PLXNA1: variants seen among roughly 807,000 people sequenced by gnomAD.
PLXNA1 encodes plexin A1.
Under a neutral mutation model 191.7 loss-of-function variants are expected in PLXNA1, and 77 were observed. That is an observed-to-expected ratio of 0.40 (90% CI 0.33 to 0.49). The LOEUF (loss-of-function observed/expected upper bound fraction) is 0.49, where lower values mean the gene tolerates loss of function less well. Ranked by LOEUF, PLXNA1 falls within the 20% of genes least tolerant of loss-of-function variation. The pLI, the probability that PLXNA1 is intolerant of heterozygous loss-of-function variation, is 0.63. For missense variants in PLXNA1, 2,110 were observed against 2,660.2 expected (o/e 0.79, Z 4.55); for synonymous variants, 1,137 against 1,156.4 (o/e 0.98, Z 0.34).
intron 1 of PLXNA1, among the ~76,000 whole-genome samples, chr3:126,985,905 C>T (rs1001196300): frequency 8.5e-5 from 13 of 152,248 alleles, no homozygotes; most frequent in African/African-American, 3.1e-4. Flanking sequence ...GGACCCAGCC[C>T]TAGGCTCGGG....
At chr3:127,012,925 A>G (rs1216761234) in intron 10 of PLXNA1, among the ~76,000 whole-genome samples, 2 of 152,176 alleles carry the variant, frequency 1.3e-5, no homozygotes, top group East Asian at 3.9e-4. Context: ...AACTCACTGC[A>G]GGGGCAGGTG....
intron 23 of PLXNA1, among the ~76,000 whole-genome samples, chr3:127,026,221 C>T (rs2079175825): frequency 6.6e-6 from 1 of 152,226 alleles, no homozygotes; most frequent in Admixed American, 6.5e-5. Flanking sequence ...TTTGCAGCCT[C>T]TAGGCTGGCC....
At chr3:126,999,577 C>T (rs540795342) in intron 3 of PLXNA1, among the ~76,000 whole-genome samples, 8 of 152,352 alleles carry the variant, frequency 5.3e-5, no homozygotes, top group Middle Eastern at 3.4e-3. Flanking sequence ...CCGGCACCCC[C>T]GCCTGCCCTC....
At chr3:127,008,752 G>C (rs1164810299) in intron 9 of PLXNA1, among the ~76,000 whole-genome samples, 1 of 152,078 alleles carries the variant, frequency 6.6e-6, no homozygotes, top group Non-Finnish European at 1.5e-5. Context: ...TGGGGGCTGG[G>C]GGCTGAGGAA....
At position 127,028,199 on chromosome 3, in the gene PLXNA1, C is replaced by T; in HGVS notation, c.4528C>T (p.Pro1510Ser). The change falls in exon 25 of 32, where the codon CCT becomes TCT. Residue 1510 changes from proline to serine, a missense_variant. Pro to Ser is a moderately conservative substitution (Grantham distance 74). Around this residue, in one of 4 missense-constraint regions of PLXNA1, gnomAD observed 559 missense variants for 911.5 expected, o/e 0.61. Transcript: ENST00000393409. ...CCCGCAGACCCTGAACTGTGTGAAC[C>T]CTGAGAATGAGAATGCACCTGAGGT... ...YKTLTLNCVN[P>S]ENENAPEVPV... 2 of 1,613,218 alleles carry T rather than the reference C, an allele frequency of 1.2e-6. No individual in the cohort carries two copies. The highest frequency in any genetic ancestry group is 2.2e-5 in the East Asian group (1 of 44,870).
At chr3:127,025,429 T>TA (rs910223730) in intron 23 of PLXNA1, among the ~76,000 whole-genome samples, 22 of 152,224 alleles carry the variant, frequency 1.4e-4, no homozygotes, top group African/African-American at 5.3e-4. Context: ...GCCACAAACT[T>TA]AAAAAAATTT....
intron 3 of PLXNA1, among the ~76,000 whole-genome samples, chr3:126,995,976 C>T (rs766280169): frequency 7.2e-5 from 11 of 152,162 alleles, no homozygotes; most frequent in Non-Finnish European, 1.5e-4. Flanking sequence ...TCCCTGTGTG[C>T]GTCCTGGCCT....
chr3:127,032,303 GA>G, intron 29 of PLXNA1, 83 bp from the exon 30 acceptor site: 1 of 1,389,150 alleles, frequency 7.2e-7, no homozygotes, highest in Admixed American at 2.0e-5. Flanking sequence ...GCCCACTTTG[GA>G]TTCGGAGCTG....
chr3:127,004,784 G>A, intron 5 of PLXNA1, 73 bp downstream of exon 5: 4 of 1,593,970 alleles, frequency 2.5e-6, no homozygotes, highest in Non-Finnish European at 3.4e-6. Context: ...GGGGGAGCCT[G>A]GTGCAGGGCA....
intron 2 of PLXNA1, among the ~76,000 whole-genome samples, chr3:126,990,421 C>G (rs1576668635): frequency 6.6e-6 from 1 of 152,344 alleles, no homozygotes; most frequent in East Asian, 1.9e-4. Flanking sequence ...CATCAGAAGG[C>G]ACAGCTGGGG....
At chr3:126,991,342 A>T in intron 2 of PLXNA1, 42 bp from the exon 3 acceptor site, 2 of 1,602,498 alleles carry the variant, frequency 1.2e-6, no homozygotes, top group Non-Finnish European at 1.7e-6. Context: ...CCTCCGGGAG[A>T]AGGTGCCCGG....
intron 3 of PLXNA1, among the ~76,000 whole-genome samples, chr3:126,997,563 C>T (rs905990443): frequency 2.0e-5 from 3 of 152,210 alleles, no homozygotes; most frequent in African/African-American, 7.2e-5. Flanking sequence ...AGTCCCAGTC[C>T]CCTTCACGGG....
intron 2 of PLXNA1, 74 bp from the exon 3 acceptor site, chr3:126,991,310 G>C (rs952895313): frequency 1.3e-6 from 2 of 1,550,290 alleles, no homozygotes; most frequent in Non-Finnish European, 1.8e-6. Context: ...TGCACTCCCA[G>C]CCCTGCCCAG....
At chr3:126,984,855 G>A (rs1439830462) in intron 1 of PLXNA1, among the ~76,000 whole-genome samples, 3 of 152,240 alleles carry the variant, frequency 2.0e-5, no homozygotes, top group African/African-American at 4.8e-5. Flanking sequence ...GCCGGGAGGA[G>A]CGGGTGCCCC....
intron 4 of PLXNA1, 58 bp downstream of exon 4, chr3:127,003,528 C>T (rs1315904911): frequency 1.3e-6 from 2 of 1,533,456 alleles, no homozygotes; most frequent in Non-Finnish European, 1.8e-6. Flanking sequence ...CTACCAGGAA[C>T]CCCAGTCACA....
rs140283835 is a variant in PLXNA1 at position 126,986,214 on chromosome 3, G to A, written c.-73-2307G>A. ...CATGTTTTCTTTGGAGTTCACATGT[G>A]CTCAGCTCCCAGCCCCGGCCCCACT... is the stretch of plus-strand genomic sequence containing the variant. On this transcript the variant is annotated intron_variant, in intron 1 of 31. Coordinates refer to ENST00000393409, the MANE Select transcript of PLXNA1 (RefSeq NM_032242.4). Among the ~76,000 whole-genome samples, 324 of 152,370 alleles carry A rather than the reference G, an allele frequency of 2.1e-3. 2 individuals are homozygous for A. The highest frequency in any genetic ancestry group is 7.5e-3 in the African/African-American group (310 of 41,594).
At position 126,989,350 on chromosome 3, in the gene PLXNA1, G is replaced by A. The variant is rs372137045; in HGVS notation, c.757G>A (p.Glu253Lys). The change falls in exon 2 of 32, where the codon GAG (glutamate) becomes AAG (lysine). Residue 253 changes from glutamate (E) to lysine (K), a missense_variant. Coordinates refer to ENST00000393409, the MANE Select transcript of PLXNA1 (RefSeq NM_032242.4). ...CTACTATGTGTACAGCTTCCGCAGC[G>A]AGCAGTTTGTCTACTACCTCACGCT... ...DIYYVYSFRS[E>K]QFVYYLTLQL... 4.3e-6 allele frequency: 7 copies of A among 1,613,518 alleles called. No homozygotes were observed. The highest frequency in any genetic ancestry group is 3.3e-5 in the Admixed American group (2 of 60,014).
Position 126,996,427 on chromosome 3 carries a change from G to A in PLXNA1, c.1377+4861G>A, listed in dbSNP as rs114219757. Reference sequence around the variant, plus strand: ...AGGATTTTGGAATTTGTAAGTTCTGGAAGTTGAGTGGCATCTCACAGCCCA... The same window carrying A: ...AGGATTTTGGAATTTGTAAGTTCTGAAAGTTGAGTGGCATCTCACAGCCCA... On this transcript the variant is annotated intron_variant, in intron 3 of 31. Coordinates refer to ENST00000393409, the MANE Select transcript of PLXNA1 (RefSeq NM_032242.4). 7.0e-3 allele frequency among the ~76,000 whole-genome samples: 1,060 copies of A among 152,298 alleles called. 14 individuals carry two copies. The highest frequency in any genetic ancestry group is 0.024 in the African/African-American group (1,009 of 41,556).
In PLXNA1 at chr3:127,034,050, G is replaced by A. The variant is rs763991573; in HGVS notation, c.*33G>A. 31 of 1,549,370 alleles carry A rather than the reference G, an allele frequency of 2.0e-5. 1 individual carries two copies. The highest frequency in any genetic ancestry group is 5.9e-5 in the South Asian group (5 of 84,582). ...CTGTGATCATCCAGCATGATGCAGCGTGAGGACAGCTGAGCAGGGACCGGG... is the reference window on the plus strand; with the variant it reads ...CTGTGATCATCCAGCATGATGCAGCATGAGGACAGCTGAGCAGGGACCGGG... On this transcript the variant is annotated 3_prime_UTR_variant, in exon 32 of 32. Transcript: ENST00000393409.
Sources: gnomAD v4.1 joint callset for allele counts (sites outside exome capture counted in the v4.1 genomes callset) on GRCh38, gnomAD v4.1.1 for gene constraint, gnomAD v4.1.1 regional missense constraint, MANE v1.5 for transcripts, NCBI Gene and HGNC (gene_info 2026-07-23, HGNC 2026-07-21) for gene names.